BTK: variants seen among roughly 807,000 people sequenced by gnomAD.
BTK encodes the protein Bruton tyrosine kinase.
Under a neutral mutation model 57.4 loss-of-function variants are expected in BTK, and 5 were observed. The ratio of observed to expected loss-of-function variants is 0.09; its 90% confidence interval spans 0.05 to 0.18. The LOEUF (loss-of-function observed/expected upper bound fraction) is 0.18, where lower values mean the gene tolerates loss of function less well. Ranked by LOEUF, BTK falls within the 10% of genes least tolerant of loss-of-function variation. The pLI is 1.00. For missense variants in BTK, 194 were observed against 501.2 expected (o/e 0.39, Z 5.85); for synonymous variants, 154 against 174.3 (o/e 0.88, Z 0.92).
At chrX:101,381,902 C>T (rs189813041) in intron 1 of BTK, among the ~76,000 whole-genome samples, 15 of 108,536 alleles carry the variant, frequency 1.4e-4, no homozygotes, top group African/African-American at 4.4e-4. Flanking sequence ...CGTGGTGGCG[C>T]GCACCTGTAA....
At chrX:101,385,146 C>T (rs927627082) in intron 1 of BTK, among the ~76,000 whole-genome samples, 4 of 111,174 alleles carry the variant, frequency 3.6e-5, no homozygotes, top group Non-Finnish European at 5.7e-5. Context: ...AAGAAAGGAG[C>T]AAGAAAAAGT....
At chrX:101,363,853 C>A (rs1486400210) in intron 5 of BTK, among the ~76,000 whole-genome samples, 5 of 106,867 alleles carry the variant, frequency 4.7e-5, no homozygotes, top group African/African-American at 1.7e-4. Flanking sequence ...AGAACATATA[C>A]ATTTCAGCAT....
At chrX:101,370,885 C>A (rs782273478) in intron 4 of BTK, among the ~76,000 whole-genome samples, 1 of 112,607 alleles carries the variant, frequency 8.9e-6, no homozygotes, top group Non-Finnish European at 1.9e-5. Flanking sequence ...GTAGTAAAAA[C>A]TGTGTCTGAA....
At chrX:101,374,780 T>C (rs1478374139) in intron 2 of BTK, 146 bp from the exon 3 acceptor site, 2 of 521,916 alleles carry the variant, frequency 3.8e-6, no homozygotes, top group Non-Finnish European at 6.5e-6. Context: ...TCCTTCCAGA[T>C]CTATAAATCT....
chrX:101,358,436 C>T lies in BTK; in HGVS notation c.976G>A (p.Asp326Asn). Residue 326 changes from aspartate to asparagine, a missense_variant and splice_region_variant, in exon 12 of 19, where the codon GAC becomes AAC. This residue lies in a region of BTK where 115 missense variants were observed against 258.3 expected (regional missense o/e 0.45). Transcript: ENST00000308731. ...TAATGACGTATCACCCCTTGAGGGT[C>T]CCTGAAGAAGTGGATGCTTAGTCAG... is the stretch of plus-strand genomic sequence containing the variant. ...TVSVFAKSTGDPQGVIRHYVV... is the reference protein window; with the variant it reads ...TVSVFAKSTGNPQGVIRHYVV... The T allele has an allele frequency of 8.3e-7, 1 of 1,211,690 alleles. No individual in the cohort carries two copies. Among genetic ancestry groups the T allele is most frequent in the Non-Finnish European group, 1.1e-6 (1 of 895,513 alleles).
At chrX:101,368,665 TATC>T (rs1298694102) in intron 5 of BTK, among the ~76,000 whole-genome samples, 1 of 112,634 alleles carries the variant, frequency 8.9e-6, no homozygotes, top group Non-Finnish European at 1.9e-5. Context: ...AAGTGTTAGT[TATC>T]ATTGTTGTTG....
chrX:101,361,174 C>A (rs184198330), intron 7 of BTK, among the ~76,000 whole-genome samples: 1 of 110,103 alleles, frequency 9.1e-6, no homozygotes, highest in Admixed American at 9.7e-5. Context: ...CAAGACCACG[C>A]CACTGCACTC....
At chrX:101,376,613 G>T (rs782767327) in intron 1 of BTK, among the ~76,000 whole-genome samples, 31 of 110,849 alleles carry the variant, frequency 2.8e-4, no homozygotes, top group African/African-American at 9.5e-4. Flanking sequence ...GGCAACAAGA[G>T]CGAAACTCCG....
chrX:101,352,363 T>C (rs1926319401), intron 18 of BTK, among the ~76,000 whole-genome samples: 1 of 111,376 alleles, frequency 9.0e-6, no homozygotes, highest in Admixed American at 9.6e-5. Flanking sequence ...CCTCACTCCC[T>C]AAAGCTGAGC....
chrX:101,363,473 C>A (rs1486827193), intron 5 of BTK, among the ~76,000 whole-genome samples: 1 of 111,577 alleles, frequency 9.0e-6, no homozygotes, highest in Non-Finnish European at 1.9e-5. Context: ...GTAATCCCAG[C>A]ACTTTGGGAG....
intron 1 of BTK, among the ~76,000 whole-genome samples, chrX:101,382,049 AAAAAG>A (rs1266613476): frequency 9.2e-6 from 1 of 108,907 alleles, no homozygotes; most frequent in African/African-American, 3.4e-5. Flanking sequence ...AAAAAAAAGA[AAAAAG>A]AAAAAAAAAT....
Position 101,351,064 on chromosome X carries a change from C to T in BTK, c.1909-1108G>A, listed in dbSNP as rs891567751. Reference sequence around the variant, plus strand: ...AGGCCAGAGTGCAGTGGCAGGATCTCGGCTCACTGCAACCTCCACCTCCTG... The same window carrying T: ...AGGCCAGAGTGCAGTGGCAGGATCTTGGCTCACTGCAACCTCCACCTCCTG... On this transcript the variant is annotated intron_variant, in intron 18 of 18. Transcript: ENST00000308731. Among the ~76,000 whole-genome samples, 13 of 111,660 alleles carry T rather than the reference C, an allele frequency of 1.2e-4. No homozygotes were observed. The South Asian group carries it at 1.5e-3, about 13-fold the overall frequency.
chrX:101,371,609 A>G (rs782038013), intron 4 of BTK, 24 bp downstream of exon 4: 11 of 1,196,314 alleles, frequency 9.2e-6, no homozygotes, highest in Non-Finnish European at 1.2e-5. Flanking sequence ...GCCTTTCGAG[A>G]TTTGGTGAGA....
At chrX:101,357,222 T>C (rs1926512353) in intron 13 of BTK, among the ~76,000 whole-genome samples, 1 of 111,703 alleles carries the variant, frequency 9.0e-6, no homozygotes, top group South Asian at 3.7e-4. Flanking sequence ...GTGATGGTAG[T>C]TAATGAACTC....
intron 7 of BTK, among the ~76,000 whole-genome samples, chrX:101,361,140 C>T (rs1342647579): frequency 1.8e-5 from 2 of 109,615 alleles, no homozygotes; most frequent in Non-Finnish European, 3.8e-5. Flanking sequence ...AACTTGACCC[C>T]AGGAGGCGGA....
intron 4 of BTK, among the ~76,000 whole-genome samples, chrX:101,370,666 C>T (rs1555980156): frequency 8.9e-6 from 1 of 111,775 alleles, no homozygotes; most frequent in African/African-American, 3.3e-5. Flanking sequence ...ATCATCAAGT[C>T]AAATAGTATT....
intron 1 of BTK, among the ~76,000 whole-genome samples, chrX:101,376,891 C>T (rs1555981116): frequency 9.0e-6 from 1 of 110,760 alleles, no homozygotes; most frequent in Non-Finnish European, 1.9e-5. Context: ...TTTATCAAAG[C>T]CTGGGGGCTA....
intron 5 of BTK, among the ~76,000 whole-genome samples, chrX:101,363,115 G>C (rs1380204389): frequency 8.9e-6 from 1 of 111,976 alleles, no homozygotes; most frequent in African/African-American, 3.2e-5. Flanking sequence ...ATCTTTTAGG[G>C]ATAATTAGCC....
intron 5 of BTK, among the ~76,000 whole-genome samples, chrX:101,368,323 G>T (rs1926925242): frequency 8.9e-6 from 1 of 112,472 alleles, no homozygotes; most frequent in Non-Finnish European, 1.9e-5. Flanking sequence ...GTGTATTGCA[G>T]GATATCACCT....
Sources: gnomAD v4.1 joint callset for allele counts (sites outside exome capture counted in the v4.1 genomes callset) on GRCh38, gnomAD v4.1.1 for gene constraint, gnomAD v4.1.1 regional missense constraint, MANE v1.5 for transcripts, NCBI Gene and HGNC (gene_info 2026-07-23, HGNC 2026-07-21) for gene names.